PCDHA5: variants seen among roughly 807,000 people sequenced by gnomAD.
PCDHA5 encodes protocadherin alpha 5, also known as protocadherin alpha-5.
A neutral mutation model predicts 61.6 loss-of-function variants in PCDHA5; 43 were observed. That is an observed-to-expected ratio of 0.70 (90% CI 0.55 to 0.90). The LOEUF (loss-of-function observed/expected upper bound fraction) is 0.90. PCDHA5 is among the 40% of genes least tolerant of loss of function. The pLI is 0.00. For missense variants in PCDHA5, 1,298 were observed against 1,222.7 expected (o/e 1.06, Z -0.92); for synonymous variants, 627 against 543.9 (o/e 1.15, Z -2.13).
chr5:140,822,270 A>T lies in PCDHA5; in HGVS notation c.495A>T (p.Ala165=). ...GASDLDIGAN[A]QLRYRLNPNE... Reference sequence around the variant, plus strand: ...CGGATTTGGATATTGGAGCAAATGCACAATTGAGATACAGGTTAAATCCAA... The same window carrying T: ...CGGATTTGGATATTGGAGCAAATGCTCAATTGAGATACAGGTTAAATCCAA... The change falls in exon 1 of 4, where the codon GCA becomes GCT. Residue 165 remains alanine (A), a synonymous_variant. Coordinates refer to ENST00000529859, the MANE Select transcript of PCDHA5 (RefSeq NM_018908.3). The T allele has an allele frequency of 6.2e-7, 1 of 1,614,256 alleles. No homozygotes were observed. The highest frequency in any genetic ancestry group is 8.5e-7 in the Non-Finnish European group (1 of 1,180,042).
intron 1 of PCDHA5, chr5:140,926,357 A>G (rs1385567779): frequency 1.3e-5 from 2 of 152,178 alleles, no homozygotes; most frequent in Admixed American, 6.5e-5. Flanking sequence ...GCGGCTCCCA[A>G]AGGGCGGCAG....
intron 1 of PCDHA5, chr5:140,927,071 GCCA>G (rs2083808355): frequency 4.3e-6 from 7 of 1,610,970 alleles, no homozygotes; most frequent in Non-Finnish European, 5.9e-6. Flanking sequence ...TTCCTTTCCA[GCCA>G]CCGCGAGCTC....
At chr5:140,875,773 G>C in intron 1 of PCDHA5, 1 of 1,614,268 alleles carries the variant, frequency 6.2e-7, no homozygotes, top group Non-Finnish European at 8.5e-7. Context: ...GCGGAGCGCG[G>C]AGTGCAGTAT....
intron 1 of PCDHA5, chr5:140,883,849 G>A (rs2059850853): frequency 1.2e-6 from 2 of 1,612,940 alleles, no homozygotes; most frequent in East Asian, 2.2e-5. Context: ...ACCACGAGGA[G>A]CTGGAGCTGT....
intron 1 of PCDHA5, among the ~76,000 whole-genome samples, chr5:140,918,404 T>C (rs2078676215): frequency 6.6e-6 from 1 of 152,196 alleles, no homozygotes; most frequent in Admixed American, 6.5e-5. Context: ...CTGATTTCTC[T>C]GGCCAGGACT....
chr5:140,966,234 C>T (rs77272068), intron 1 of PCDHA5: 2,919 of 290,608 alleles, frequency 0.01, 77 homozygotes, highest in African/African-American at 0.056. Context: ...CTTAAAGACC[C>T]GTTAAGCAGG....
intron 1 of PCDHA5, chr5:140,870,919 CT>C (rs1562653796): frequency 5.6e-6 from 9 of 1,613,952 alleles, no homozygotes; most frequent in Non-Finnish European, 7.6e-6. Flanking sequence ...CAACGCGTGG[CT>C]TTCATATGAA....
At chr5:140,989,171 G>A (rs2097331816) in intron 3 of PCDHA5, among the ~76,000 whole-genome samples, 1 of 152,116 alleles carries the variant, frequency 6.6e-6, no homozygotes, top group African/African-American at 2.4e-5. Flanking sequence ...GCATAAAACA[G>A]GAGAGTTTCT....
intron 1 of PCDHA5, chr5:140,858,271 C>A: frequency 6.3e-7 from 1 of 1,597,124 alleles, no homozygotes. Flanking sequence ...TGTGCTCTAG[C>A]GCGGTGGGGA....
chr5:140,962,155 G>A (rs977043867), intron 1 of PCDHA5, among the ~76,000 whole-genome samples: 8 of 152,060 alleles, frequency 5.3e-5, no homozygotes, highest in South Asian at 2.1e-4. Flanking sequence ...GATTACAGGC[G>A]TGAGCCACCA....
intron 1 of PCDHA5, among the ~76,000 whole-genome samples, chr5:140,932,462 A>G (rs549858141): frequency 6.6e-6 from 1 of 152,022 alleles, no homozygotes; most frequent in African/African-American, 2.4e-5. Flanking sequence ...GCCAGGGTAT[A>G]TAGGAAATAG....
At chr5:140,836,085 C>T in intron 1 of PCDHA5, 1 of 1,613,676 alleles carries the variant, frequency 6.2e-7, no homozygotes, top group South Asian at 1.1e-5. Flanking sequence ...ACTGCTGGCG[C>T]CTCGGGTGGG....
intron 1 of PCDHA5, among the ~76,000 whole-genome samples, chr5:140,906,729 G>T (rs1444256364): frequency 1.3e-5 from 2 of 152,184 alleles, no homozygotes; most frequent in Admixed American, 1.3e-4. Flanking sequence ...TGCTGTTGTA[G>T]TTTCCCATTG....
Position 141,009,900 on chromosome 5 carries a change from A to G in PCDHA5, c.2774A>G (p.Glu925Gly). The G allele has an allele frequency of 6.2e-7, 1 of 1,613,166 alleles. No individual in the cohort carries two copies. The highest frequency in any genetic ancestry group is 8.5e-7 in the Non-Finnish European group (1 of 1,179,840). Residue 925 changes from glutamate (E) to glycine (G), a missense_variant, in exon 4 of 4, where the codon GAG becomes GGG. Physicochemically the swap from Glu to Gly is moderately conservative, Grantham distance 98. Coordinates refer to ENST00000529859, the MANE Select transcript of PCDHA5 (RefSeq NM_018908.3). Reference sequence around the variant, plus strand: ...GGTAACAAGACCCAGGAGAAAAAAGAGAAAGGGAACAGCACGACTGACAAC... The same window carrying G: ...GGTAACAAGACCCAGGAGAAAAAAGGGAAAGGGAACAGCACGACTGACAAC... ...KKGNKTQEKK[E>G]KGNSTTDNSD...
In PCDHA5 at chr5:140,968,565, C is replaced by T. The variant is rs532751675; in HGVS notation, c.2353-10384C>T. ...GAGATGGTGCCTCGAACTGCCCCTG[C>T]TGGCTACCTGGTCACCAAAGTCATA... is the stretch of plus-strand genomic sequence containing the variant. On this transcript the variant is annotated intron_variant, in intron 1 of 3. Coordinates refer to ENST00000529859, the MANE Select transcript of PCDHA5 (RefSeq NM_018908.3). 4.3e-6 allele frequency: 7 copies of T among 1,614,206 alleles called. No homozygotes were observed. The African/African-American group carries it at 6.7e-5, about 15-fold the overall frequency.
chr5:140,961,805 G>A (rs1554225601), intron 1 of PCDHA5, among the ~76,000 whole-genome samples: 1 of 151,810 alleles, frequency 6.6e-6, no homozygotes, highest in African/African-American at 2.4e-5. Context: ...AGGAAATTGG[G>A]TTCTCTAGTC....
chr5:140,833,743 A>G (rs1554133938), intron 1 of PCDHA5, among the ~76,000 whole-genome samples: 1 of 114,690 alleles, frequency 8.7e-6, no homozygotes, highest in African/African-American at 3.3e-5. Flanking sequence ...CTTGCCTCCT[A>G]AAAAGAAAAC....
At chr5:140,941,241 T>TTCTTTCTTTCTTTCTTTCTTTC in intron 1 of PCDHA5, among the ~76,000 whole-genome samples, 2 of 140,458 alleles carry the variant, frequency 1.4e-5, no homozygotes, top group South Asian at 4.5e-4. Context: ...CTTTCTTTCT[T>TTCTTTCTTTCTTTCTTTCTTTC]TCTTTCTTTC....
In PCDHA5 at chr5:141,000,327, C is replaced by G. The variant is rs555445425; in HGVS notation, c.2501-9300C>G. On this transcript the variant is annotated intron_variant, in intron 3 of 3. Coordinates refer to ENST00000529859, the MANE Select transcript of PCDHA5 (RefSeq NM_018908.3). ...GAGTTCAAGACCAGCTTGGGCAACA[C>G]AGCAAGGCCCTATCTCTCTCTCTGT... is the stretch of plus-strand genomic sequence containing the variant. 3.5e-5 allele frequency among the ~76,000 whole-genome samples: 5 copies of G among 144,706 alleles called. No homozygotes were observed. The South Asian group carries it at 1.1e-3, about 32-fold the overall frequency. 94.9% of individuals were successfully genotyped at this position (144,706 alleles called of 152,430 possible). A position where few individuals can be genotyped will look rare whatever the true frequency, so the allele number is the denominator to read the frequency against.
Sources: allele counts gnomAD v4.1 joint callset (sites outside exome capture counted in the v4.1 genomes callset), GRCh38; gene constraint gnomAD v4.1.1; transcripts MANE v1.5; gene names NCBI Gene and HGNC (gene_info 2026-07-23, HGNC 2026-07-21).